AGBL4: variants seen among roughly 807,000 people sequenced by gnomAD.
The protein encoded by AGBL4 is AGBL carboxypeptidase 4.
A neutral mutation model predicts 66.4 loss-of-function variants in AGBL4; 58 were observed. The ratio of observed to expected loss-of-function variants is 0.87; its 90% CI spans 0.71 to 1.09. The LOEUF (loss-of-function observed/expected upper bound fraction) is 1.09. AGBL4 is among the 50% of genes least tolerant of loss of function. AGBL4 has a pLI of 0.00. For synonymous variants in AGBL4, 234 were observed against 222.9 expected, an observed-to-expected ratio of 1.05 and a Z score of -0.44; for missense variants, 579 against 631.0, an observed-to-expected ratio of 0.92 and a Z score of 0.88.
At chr1:49,949,959 CAT>C (rs201017766) in intron 1 of AGBL4, among the ~76,000 whole-genome samples, 133 of 141,516 alleles carry the variant, frequency 9.4e-4, no homozygotes, top group South Asian at 2.2e-3. Context: ...ACCCAAATGC[CAT>C]ATATATATAT....
intron 3 of AGBL4, among the ~76,000 whole-genome samples, chr1:49,619,177 T>C (rs1439959235): frequency 4.6e-5 from 7 of 152,166 alleles, no homozygotes; most frequent in Non-Finnish European, 8.8e-5. Context: ...GGAAGTCAAA[T>C]TGTCTCTGTT....
chr1:49,527,352 C>T (rs1302369737), intron 3 of AGBL4: 1 of 152,240 alleles, frequency 6.6e-6, no homozygotes, highest in Non-Finnish European at 1.5e-5. Context: ...AAAGCCCTAT[C>T]CGTATCAGAA....
intron 4 of AGBL4, among the ~76,000 whole-genome samples, chr1:49,201,766 C>A (rs1018354319): frequency 6.6e-6 from 1 of 151,990 alleles, no homozygotes; most frequent in Non-Finnish European, 1.5e-5. Context: ...TTAAGTAATC[C>A]TCAGCAATTT....
chr1:49,502,602 G>GAATTGTTGAATGGTTTT (rs1648270136), intron 3 of AGBL4, among the ~76,000 whole-genome samples: 1 of 152,078 alleles, frequency 6.6e-6, no homozygotes, highest in Admixed American at 6.5e-5. Flanking sequence ...ACTTCCTAGA[G>GAATTGTTGAATGGTTTT]AATTGTTGAA....
rs946829775 is a variant in AGBL4, at chr1:50,019,769, G to A, written c.34+3994C>T. 1.1e-4 allele frequency among the ~76,000 whole-genome samples: 17 copies of A among 152,150 alleles called. No individual in the cohort carries two copies. In the East Asian group the frequency reaches 1.4e-3, roughly 12 times the overall value. On this transcript the variant is annotated intron_variant, in intron 1 of 13. Transcript: ENST00000371839. ...CTAAAATAAAAGCTTTTTTAAGATA[G>A]CTGGAAGAGAGGGAGAAGAAGCTAA...
chr1:49,216,643 T>G (rs1649117353), intron 4 of AGBL4, among the ~76,000 whole-genome samples: 2 of 152,158 alleles, frequency 1.3e-5, no homozygotes, highest in Admixed American at 1.3e-4. Context: ...ATAGTATATA[T>G]ATATCACATT....
chr1:49,733,191 T>G (rs1649590343), intron 2 of AGBL4, among the ~76,000 whole-genome samples: 5 of 152,008 alleles, frequency 3.3e-5, no homozygotes. Context: ...CACCCAACTA[T>G]CCTTTTAAAA....
intron 4 of AGBL4, among the ~76,000 whole-genome samples, chr1:49,171,767 T>C: frequency 6.6e-6 from 1 of 152,206 alleles, no homozygotes; most frequent in East Asian, 1.9e-4. Context: ...CTTTTTCCTC[T>C]GTGCCCACGC....
intron 2 of AGBL4, among the ~76,000 whole-genome samples, chr1:49,834,687 C>T (rs1411428964): frequency 2.0e-5 from 3 of 152,040 alleles, no homozygotes; most frequent in Admixed American, 2.0e-4. Flanking sequence ...TAGATCTTTC[C>T]CACTTTCTTC....
intron 6 of AGBL4, chr1:48,727,799 C>T (rs760010071): frequency 1.4e-4 from 184 of 1,296,958 alleles, no homozygotes; most frequent in Admixed American, 1.3e-4. Flanking sequence ...CCACCATGCA[C>T]GGTGGGGTCT....
At chr1:49,360,114 T>A (rs764289358) in intron 3 of AGBL4, among the ~76,000 whole-genome samples, 5 of 152,188 alleles carry the variant, frequency 3.3e-5, no homozygotes, top group African/African-American at 4.8e-5. Context: ...CCAAAGCCCA[T>A]AGCTTTTTCT....
At chr1:49,522,287 T>G (rs894561365) in intron 3 of AGBL4, among the ~76,000 whole-genome samples, 5 of 152,062 alleles carry the variant, frequency 3.3e-5, no homozygotes, top group Non-Finnish European at 7.4e-5. Context: ...TATGAGTAGG[T>G]GGGTATAATA....
intron 3 of AGBL4, among the ~76,000 whole-genome samples, chr1:49,302,680 A>ATT (rs1570387006): frequency 3.1e-5 from 2 of 64,504 alleles, no homozygotes. Context: ...TTTATTTTAT[A>ATT]TTCCTAGAGA....
chr1:49,557,282 C>A (rs1643927847), intron 3 of AGBL4, among the ~76,000 whole-genome samples: 1 of 152,152 alleles, frequency 6.6e-6, no homozygotes, highest in African/African-American at 2.4e-5. Flanking sequence ...ACCAATTTAA[C>A]AACTATCTAC....
rs142056027 is a variant in AGBL4, at chr1:48,747,427, C to T, written c.635-84186G>A. On this transcript the variant is annotated intron_variant, in intron 6 of 13. Coordinates refer to ENST00000371839, the MANE Select transcript of AGBL4 (RefSeq NM_032785.4). ...ATCATTCATGAACCCATTCATCACA[C>T]AACCCCTGACTGCATATCAAGATCT... Among the ~76,000 whole-genome samples, 932 of 152,304 alleles carry T rather than the reference C, an allele frequency of 6.1e-3. 14 individuals carry two copies. Among genetic ancestry groups the T allele is most frequent in the African/African-American group, 0.021 (882 of 41,566 alleles).
At chr1:49,185,703 A>G (rs987192898) in intron 4 of AGBL4, among the ~76,000 whole-genome samples, 116 of 152,128 alleles carry the variant, frequency 7.6e-4, no homozygotes, top group African/African-American at 2.7e-3. Flanking sequence ...TCCCTGCTTC[A>G]TGACCCAGTT....
At chr1:49,094,337 G>A (rs968557041) in intron 4 of AGBL4, among the ~76,000 whole-genome samples, 8 of 152,076 alleles carry the variant, frequency 5.3e-5, no homozygotes, top group Non-Finnish European at 1.2e-4. Context: ...TTGAGATGGG[G>A]ATATTATCTG....
intron 3 of AGBL4, among the ~76,000 whole-genome samples, chr1:49,549,361 G>A (rs1307916413): frequency 1.3e-5 from 2 of 151,708 alleles, no homozygotes; most frequent in Admixed American, 6.6e-5. Context: ...GTTCCTTGAG[G>A]TGTGACCTTA....
At chr1:49,575,114 G>A (rs899867427) in intron 3 of AGBL4, among the ~76,000 whole-genome samples, 6 of 152,134 alleles carry the variant, frequency 3.9e-5, no homozygotes, top group Non-Finnish European at 8.8e-5. Flanking sequence ...GTGTAACTGT[G>A]CAACTGGGGA....
Sources: allele counts gnomAD v4.1 joint callset (sites outside exome capture counted in the v4.1 genomes callset), GRCh38; gene constraint gnomAD v4.1.1; transcripts MANE v1.5; gene names NCBI Gene and HGNC (gene_info 2026-07-23, HGNC 2026-07-21).